The following INSC variants were observed in gnomAD, a reference collection of about 807,000 sequenced individuals.
INSC encodes INSC spindle orientation adaptor protein, also known as protein inscuteable homolog.
INSC carries 67 observed loss-of-function variants against 58.6 expected under a neutral mutation model. That is an observed-to-expected ratio of 1.14 (90% CI 0.94 to 1.40). The LOEUF (loss-of-function observed/expected upper bound fraction) is 1.40. INSC is among the 40% of genes most tolerant of loss of function. The pLI is 0.00. For synonymous variants in INSC, 262 were observed against 276.1 expected (o/e 0.95, Z 0.51); for missense variants, 714 against 692.0 (o/e 1.03, Z -0.36).
At chr11:15,260,724 T>G in the INSC span, among the ~76,000 whole-genome samples, 1 of 152,298 alleles carries the variant, frequency 6.6e-6, no homozygotes, top group African/African-American at 2.4e-5. Flanking sequence ...AATGGAAGAA[T>G]AGGAAACTTT....
downstream of INSC, among the ~76,000 whole-genome samples, chr11:15,249,884 T>G (rs1057275207): frequency 6.6e-6 from 1 of 152,230 alleles, no homozygotes; most frequent in Non-Finnish European, 1.5e-5. Flanking sequence ...ATTGAGGCCA[T>G]GGGCATAAAG....
At chr11:15,222,486 T>C (rs866699514) in intron 8 of INSC, among the ~76,000 whole-genome samples, 8 of 152,230 alleles carry the variant, frequency 5.3e-5, no homozygotes, top group South Asian at 2.1e-4. Flanking sequence ...ACACAGAACA[T>C]TGGGCAAGGA....
the INSC span, among the ~76,000 whole-genome samples, chr11:15,258,623 G>C: frequency 6.6e-6 from 1 of 152,188 alleles, no homozygotes; most frequent in Non-Finnish European, 1.5e-5. Context: ...TTAACCAGGA[G>C]AGACTCAAGA....
chr11:15,144,272 A>C lies in INSC; in HGVS notation c.-45-4858A>C, dbSNP rs535823385. 2.6e-4 allele frequency among the ~76,000 whole-genome samples: 39 copies of C among 152,352 alleles called. 1 individual carries two copies. The South Asian group carries it at 7.7e-3, about 30-fold the overall frequency. ...TTACCCATGGATTATCTTGGTGCTC[A>C]CAACAATCTTGTGAGGTTGTCTATT... On this transcript the variant is annotated intron_variant, in intron 1 of 12. Transcript: ENST00000379556.
chr11:15,153,019 A>T (rs1391884544), intron 2 of INSC, among the ~76,000 whole-genome samples: 2 of 152,210 alleles, frequency 1.3e-5, no homozygotes, highest in East Asian at 3.9e-4. Flanking sequence ...TCATTTATGC[A>T]GGTAGTTGTT....
intron 1 of INSC, among the ~76,000 whole-genome samples, chr11:15,123,445 C>A (rs1048954065): frequency 1.3e-5 from 2 of 152,112 alleles, no homozygotes; most frequent in African/African-American, 4.8e-5. Flanking sequence ...GAAGATTTAT[C>A]ATCTGAGTAA....
the INSC span, among the ~76,000 whole-genome samples, chr11:15,262,655 AACACACACACACACACACAC>A: frequency 1.4e-5 from 2 of 146,782 alleles, no homozygotes; most frequent in South Asian, 4.5e-4. Flanking sequence ...CTGGGTGATA[AACACACACACACACACACAC>A]ACACACACAC....
chr11:15,187,751 A>G (rs78728933), intron 5 of INSC, among the ~76,000 whole-genome samples: 4,454 of 152,146 alleles, frequency 0.029, 225 homozygotes, highest in African/African-American at 0.1. Flanking sequence ...ATTTTAAGAA[A>G]ATGTTTGTCA....
At chr11:15,147,357 T>C (rs979329454) in intron 1 of INSC, among the ~76,000 whole-genome samples, 3 of 152,234 alleles carry the variant, frequency 2.0e-5, no homozygotes, top group African/African-American at 7.2e-5. Context: ...TGTGACCTGC[T>C]GTATCTCATT....
intron 2 of INSC, among the ~76,000 whole-genome samples, chr11:15,165,309 A>G (rs560698789): frequency 5.6e-4 from 86 of 152,230 alleles, no homozygotes; most frequent in Non-Finnish European, 6.3e-4. Flanking sequence ...AGGCTTTATT[A>G]GAACTTCTCT....
At chr11:15,235,498 C>T (rs772439385) in intron 9 of INSC, 104 bp from the exon 10 acceptor site, 34 of 855,446 alleles carry the variant, frequency 4.0e-5, no homozygotes, top group South Asian at 1.5e-4. Flanking sequence ...GAAGGAGTCA[C>T]GGGATAAAAG....
At chr11:15,226,680 C>T (rs1305890237) in intron 9 of INSC, among the ~76,000 whole-genome samples, 1 of 152,228 alleles carries the variant, frequency 6.6e-6, no homozygotes, top group Admixed American at 6.5e-5. Flanking sequence ...AGGCTTATCT[C>T]TTAACTGAAG....
chr11:15,238,938 C>A lies in INSC; in HGVS notation c.1257C>A (p.Gly419=). The A allele has an allele frequency of 1.2e-6, 2 of 1,614,050 alleles. No individual in the cohort carries two copies. The change falls in exon 11 of 13, where the codon GGC becomes GGA. Residue 419 remains glycine, a synonymous_variant. Transcript: ENST00000379556. ...IQENGVQLIM[G]MLSEKPRSGT... is the part of the protein sequence containing the mutation. ...GCCTAGGGGTCCAGCTTATCATGGG[C>A]ATGCTGTCTGAAAAACCAAGGTCTG...
At chr11:15,254,246 A>G in the INSC span, among the ~76,000 whole-genome samples, 1 of 152,184 alleles carries the variant, frequency 6.6e-6, no homozygotes, top group Non-Finnish European at 1.5e-5. Flanking sequence ...GCTAATTAGG[A>G]AGAAAGTAGG....
intron 2 of INSC, among the ~76,000 whole-genome samples, chr11:15,158,860 G>GTGTTTT (rs1554907670): frequency 9.1e-6 from 1 of 109,706 alleles, no homozygotes; most frequent in Non-Finnish European, 1.8e-5. Context: ...ATTGTTGGTG[G>GTGTTTT]TTTTTTTTTT....
intron 1 of INSC, among the ~76,000 whole-genome samples, chr11:15,133,331 G>A (rs1414012053): frequency 6.6e-6 from 1 of 152,128 alleles, no homozygotes; most frequent in Non-Finnish European, 1.5e-5. Flanking sequence ...ATGTAGAAAA[G>A]TTCTATTTGG....
At chr11:15,115,093 G>A (rs1189353167) in intron 1 of INSC, 90 bp downstream of exon 1, 1 of 834,266 alleles carries the variant, frequency 1.2e-6, no homozygotes, top group East Asian at 1.2e-4. Context: ...TCACTAATTG[G>A]ATAGTAGGTG....
intron 1 of INSC, among the ~76,000 whole-genome samples, chr11:15,121,186 C>T (rs953705909): frequency 6.6e-6 from 1 of 152,122 alleles, no homozygotes; most frequent in African/African-American, 2.4e-5. Context: ...CAGTGCAATT[C>T]GGTCCTAATA....
At chr11:15,250,890 C>A (rs889519975), downstream of INSC, among the ~76,000 whole-genome samples, 8 of 152,330 alleles carry the variant, frequency 5.3e-5, no homozygotes, top group East Asian at 1.5e-3. Context: ...CTCCCAAAAT[C>A]TGCTTCTCCA....
Sources: allele counts gnomAD v4.1 joint callset (sites outside exome capture counted in the v4.1 genomes callset), GRCh38; gene constraint gnomAD v4.1.1; transcripts MANE v1.5; gene names NCBI Gene and HGNC (gene_info 2026-07-23, HGNC 2026-07-21).